SAMD11: variants seen among roughly 807,000 people sequenced by gnomAD.
The protein encoded by SAMD11 is sterile alpha motif domain-containing protein 11.
Under a neutral mutation model 64.4 loss-of-function variants are expected in SAMD11, and 77 were observed. The ratio of observed to expected loss-of-function variants is 1.20; its 90% confidence interval spans 0.99 to 1.44. The LOEUF (loss-of-function observed/expected upper bound fraction) is 1.44. Ranked by LOEUF, SAMD11 falls within the 40% of genes most tolerant of loss-of-function variation. SAMD11 has a pLI of 0.00. For missense variants in SAMD11, 1,402 were observed against 943.3 expected (o/e 1.49, Z -6.37); for synonymous variants, 658 against 421.9 (o/e 1.56, Z -6.86).
intron 5 of SAMD11, among the ~76,000 whole-genome samples, chr1:937,075 C>G (rs1026302886): frequency 1.3e-5 from 2 of 152,154 alleles, no homozygotes; most frequent in Non-Finnish European, 2.9e-5. Context: ...CGGGGCCTCA[C>G]GTGTCCTGGA....
chr1:943,102 T>G (rs752169805), intron 11 of SAMD11, 44 bp downstream of exon 11: 131 of 1,554,918 alleles, frequency 8.4e-5, no homozygotes, highest in Non-Finnish European at 1.1e-4. Flanking sequence ...GGCACAGGAC[T>G]GGCAGGCCGC....
intron 5 of SAMD11, among the ~76,000 whole-genome samples, chr1:936,613 G>A (rs1377147619): frequency 1.3e-5 from 2 of 152,126 alleles, no homozygotes; most frequent in African/African-American, 2.4e-5. Context: ...GAAAGGAGGC[G>A]GGGGCGCCCC....
chr1:939,555 C>G (rs1484166057), intron 7 of SAMD11, 143 bp downstream of exon 7: 3 of 1,163,900 alleles, frequency 2.6e-6, no homozygotes, highest in African/African-American at 1.7e-5. Context: ...ACACCAAGGC[C>G]AGGCTGGATG....
At chr1:928,331 G>A (rs1001665104) in intron 2 of SAMD11, among the ~76,000 whole-genome samples, 2 of 152,230 alleles carry the variant, frequency 1.3e-5, no homozygotes, top group African/African-American at 4.8e-5. Context: ...GGCGGAGCTT[G>A]CAGTGAGCCC....
At chr1:931,886 T>C (rs2100313178) in intron 4 of SAMD11, among the ~76,000 whole-genome samples, 2 of 152,292 alleles carry the variant, frequency 1.3e-5, no homozygotes, top group Admixed American at 1.3e-4. Context: ...GGTAAGTCTG[T>C]GAACAGAGCC....
rs1641820143 is a variant in SAMD11, at chr1:942,247, C to T, written c.1470C>T (p.Thr490=). The change falls in exon 9 of 14, where the codon ACC becomes ACT. Residue 490 remains threonine, a synonymous_variant. Coordinates refer to ENST00000616016, the MANE Select transcript of SAMD11 (RefSeq NM_001385641.1). ...FLGVPSALCQ[T]PGYGFLPPAQ... ...GGGTGCCCTCGGCTCTGTGCCAGAC[C>T]CCAGGTGAGGAGGCGGGTGCGCATC... The T allele has an allele frequency of 1.0e-5, 13 of 1,285,724 alleles. No individual in the cohort carries two copies. Among genetic ancestry groups the T allele is most frequent in the Non-Finnish European group, 1.3e-5 (13 of 986,400 alleles). 79.6% of individuals were successfully genotyped at this position (1,285,724 alleles called of 1,614,324 possible).
At chr1:925,581 G>A (rs1037215363) in intron 1 of SAMD11, among the ~76,000 whole-genome samples, 1 of 152,178 alleles carries the variant, frequency 6.6e-6, no homozygotes, top group South Asian at 2.1e-4. Flanking sequence ...GGTCCCGACG[G>A]CGCCGCTCAC....
chr1:938,278 T>C (rs1257131659), intron 5 of SAMD11, among the ~76,000 whole-genome samples: 2 of 151,116 alleles, frequency 1.3e-5, no homozygotes, highest in Non-Finnish European at 3.0e-5. Flanking sequence ...GGGCTGAAGC[T>C]GGACCTGGCC....
Position 941,240 on chromosome 1 carries a change from G to C in SAMD11, c.1292G>C (p.Arg431Pro), listed in dbSNP as rs1641747112. The stretch of plus-strand genomic sequence containing the variant: ...CCCTCCTCCACGGCAGGTCAGCGTC[G>C]GAAGCAGGGCCTGGCTCAGCACCGG... ...HLPSSTAGQR[R>P]KQGLAQHREG... Residue 431 changes from arginine (R) to proline (P), a missense_variant, in exon 8 of 14, where the codon CGG (arginine) becomes CCG (proline). Arg to Pro is a moderately radical substitution (Grantham distance 103). Coordinates refer to ENST00000616016, the MANE Select transcript of SAMD11 (RefSeq NM_001385641.1). The C allele has an allele frequency of 6.2e-7, 1 of 1,602,024 alleles. No homozygotes were observed. The highest frequency in any genetic ancestry group is 1.1e-5 in the South Asian group (1 of 89,444).
Position 942,738 on chromosome 1 carries a change from C to T in SAMD11, c.1733C>T (p.Pro578Leu). ...CTGCTGGCCCTGCCCCCCCAGGGGCCCCCGGGCTCCGGACCCCCCACCCCG... is the reference window on the plus strand; with the variant it reads ...CTGCTGGCCCTGCCCCCCCAGGGGCTCCCGGGCTCCGGACCCCCCACCCCG... ...APLLALPPQG[P>L]PGSGPPTPSR... Residue 578 changes from proline (P) to leucine (L), a missense_variant, in exon 11 of 14, where the codon CCC becomes CTC. By Grantham distance (98) the Pro-to-Leu change is moderately conservative (BLOSUM62 -3). Transcript: ENST00000616016. The T allele has an allele frequency of 3.4e-6, 5 of 1,480,884 alleles. No individual in the cohort carries two copies. Among genetic ancestry groups the T allele is most frequent in the Middle Eastern group, 2.3e-4 (1 of 4,310 alleles). 91.7% of individuals were successfully genotyped at this position (1,480,884 alleles called of 1,614,324 possible). A position where few individuals can be genotyped will look rare whatever the true frequency, so the allele number is the denominator to read the frequency against.
chr1:943,407 G>T (rs1446553521), intron 12 of SAMD11, 30 bp downstream of exon 12: 1 of 1,489,592 alleles, frequency 6.7e-7, no homozygotes, highest in East Asian at 2.3e-5. Flanking sequence ...CCTGGGGCGG[G>T]GCTGGAGCTG....
At chr1:938,984 C>A in intron 5 of SAMD11, 56 bp from the exon 6 acceptor site, 1 of 1,464,880 alleles carries the variant, frequency 6.8e-7, no homozygotes, top group Non-Finnish European at 9.4e-7. Flanking sequence ...GGAGCAGGGG[C>A]TGGGTTCCCC....
Position 939,130 on chromosome 1 carries a change from G to C in SAMD11, c.1057+1G>C, listed in dbSNP as rs1641611640. The stretch of plus-strand genomic sequence containing the variant: ...AGGGCACGAAGCGAATCGCCTCAAG[G>C]TAAGAGCGTGGCTGGGACGAGAGAC... On this transcript the variant is annotated splice_donor_variant, in intron 6 of 13. Coordinates refer to ENST00000616016, the MANE Select transcript of SAMD11 (RefSeq NM_001385641.1). LOFTEE classifies it high-confidence loss of function. The C allele has an allele frequency of 3.2e-6, 5 of 1,585,334 alleles. No individual in the cohort carries two copies. In the South Asian group the frequency reaches 5.8e-5, roughly 18 times the overall value.
rs148506094 is a variant in SAMD11, at chr1:943,762, C to T, written c.2243C>T (p.Thr748Ile). Residue 748 changes from threonine to isoleucine, a missense_variant, in exon 13 of 14, where the codon ACC becomes ATC. Transcript: ENST00000616016. ...LPLLTEEHLL[T>I]NMGLKLGPAL... is the part of the protein sequence containing the mutation. ...CTGCTGACGGAGGAGCACCTGCTGACCAACATGGGGCTGAAGCTGGGGCCC... is the reference window on the plus strand; with the variant it reads ...CTGCTGACGGAGGAGCACCTGCTGATCAACATGGGGCTGAAGCTGGGGCCC... The T allele has an allele frequency of 3.7e-6, 6 of 1,611,616 alleles. No individual in the cohort carries two copies. The highest frequency in any genetic ancestry group is 2.2e-5 in the East Asian group (1 of 44,856).
intron 8 of SAMD11, 37 bp from the exon 9 acceptor site, chr1:942,099 G>T: frequency 1.6e-6 from 1 of 619,382 alleles, no homozygotes; most frequent in Non-Finnish European, 2.6e-6. Flanking sequence ...GGGAACGGGG[G>T]CGGGGGGGAC....
At chr1:924,988 C>G (rs1157906214) in intron 1 of SAMD11, 40 bp downstream of exon 1, 1 of 152,214 alleles carries the variant, frequency 6.6e-6, no homozygotes, top group Non-Finnish European at 1.5e-5. Context: ...ACCCGCGGGC[C>G]CCGACCCCAC....
chr1:930,038 G>A (rs1641093653), intron 2 of SAMD11, 117 bp from the exon 3 acceptor site: 2 of 1,237,770 alleles, frequency 1.6e-6, no homozygotes, highest in African/African-American at 1.5e-5. Flanking sequence ...GGCCTGGGGT[G>A]CGAGACCAGG....
At position 939,200 on chromosome 1, in the gene SAMD11, C is replaced by T. The variant is rs1004770182; in HGVS notation, c.1057+71C>T. ...CAGTCCCTGAGGGTCCCCTGGACCT[C>T]GAGCAGGCACTCTAGAGGGGCGTGG... On this transcript the variant is annotated intron_variant, in intron 6 of 13. Coordinates refer to ENST00000616016, the MANE Select transcript of SAMD11 (RefSeq NM_001385641.1). 7.5e-5 allele frequency: 116 copies of T among 1,551,396 alleles called. 1 individual carries two copies. The highest frequency in any genetic ancestry group is 9.1e-5 in the Non-Finnish European group (104 of 1,145,646).
chr1:943,473 C>T (rs941118869), intron 12 of SAMD11, 96 bp downstream of exon 12: 10 of 1,125,254 alleles, frequency 8.9e-6, no homozygotes, highest in South Asian at 1.5e-5. Flanking sequence ...TTCCCCAACG[C>T]CCTCTCCCTC....
Sources: gnomAD v4.1 joint callset for allele counts (sites outside exome capture counted in the v4.1 genomes callset) on GRCh38, gnomAD v4.1.1 for gene constraint, MANE v1.5 for transcripts, NCBI Gene and HGNC (gene_info 2026-07-23, HGNC 2026-07-21) for gene names.